The following NOX1 variants were observed in gnomAD, a reference collection of about 807,000 sequenced individuals.
NOX1 encodes the protein NADPH oxidase 1.
NOX1 carries 34 observed loss-of-function variants against 42.5 expected under a neutral mutation model. That is an observed-to-expected ratio of 0.80 (90% confidence interval 0.61 to 1.07). The LOEUF (loss-of-function observed/expected upper bound fraction) is 1.07, where lower values mean the gene tolerates loss of function less well. NOX1 is among the 50% of genes least tolerant of loss of function. The pLI is 0.00. For missense variants in NOX1, 408 were observed against 427.0 expected, an observed-to-expected ratio of 0.96 and a Z score of 0.39; for synonymous variants, 143 against 152.5, an observed-to-expected ratio of 0.94 and a Z score of 0.46.
intron 1 of NOX1, among the ~76,000 whole-genome samples, chrX:100,872,539 G>A (rs1485638046): frequency 9.0e-6 from 1 of 111,318 alleles, no homozygotes; most frequent in Non-Finnish European, 1.9e-5. Flanking sequence ...GTATATGTCA[G>A]AGATAATGAG....
rs767730692 is a variant in NOX1 at position 100,863,533 on chromosome X, C to A, written c.204G>T (p.Leu68=). The part of the protein sequence containing the change: ...LCLNFNSTLI[L]LPVCRNLLSF... ...ACAGCAGATTGCGACACACAGGAAG[C>A]AGGATCAGCGTGCTGTTAAAATTCA... is the stretch of plus-strand genomic sequence containing the variant. Residue 68 remains leucine, a synonymous_variant, in exon 3 of 13, where the codon CTG becomes CTT. Coordinates refer to ENST00000372966, the MANE Select transcript of NOX1 (RefSeq NM_007052.5). 2.2e-5 allele frequency: 27 copies of A among 1,208,623 alleles called. No homozygotes were observed. The highest frequency in any genetic ancestry group is 3.0e-5 in the Non-Finnish European group (27 of 895,098).
intron 12 of NOX1, among the ~76,000 whole-genome samples, chrX:100,844,749 CCT>C (rs764960762): frequency 2.7e-5 from 3 of 112,277 alleles, no homozygotes; most frequent in East Asian, 2.8e-4. Context: ...AATTTCTTAA[CCT>C]CTCTCTGTTT....
At chrX:100,863,431 T>A in intron 3 of NOX1, 54 bp downstream of exon 3, 1 of 1,133,428 alleles carries the variant, frequency 8.8e-7, no homozygotes, top group East Asian at 3.0e-5. Context: ...TACTGAGGAG[T>A]CTGGGGTCTC....
chrX:100,870,869 G>A, intron 1 of NOX1, 55 bp from the exon 2 acceptor site: 1 of 791,488 alleles, frequency 1.3e-6, no homozygotes, highest in South Asian at 2.3e-5. Context: ...AGTATGGGAA[G>A]GAGTAAATAA....
intron 4 of NOX1, 50 bp downstream of exon 4, chrX:100,863,109 A>G (rs1569447966): frequency 4.3e-6 from 4 of 921,767 alleles, no homozygotes; most frequent in Admixed American, 2.2e-5. Flanking sequence ...TGAATGAAGC[A>G]AGATTCTGAA....
At chrX:100,853,615 G>T (rs2085146191) in intron 7 of NOX1, among the ~76,000 whole-genome samples, 1 of 100,650 alleles carries the variant, frequency 9.9e-6, no homozygotes, top group Non-Finnish European at 2.0e-5. Context: ...TGGCCAGGCT[G>T]GTCTGGAACT....
At position 100,844,010 on chromosome X, in the gene NOX1, C is replaced by T. The variant is rs766831994; in HGVS notation, c.1637G>A (p.Arg546Gln). The T allele has an allele frequency of 7.5e-6, 9 of 1,202,557 alleles. No homozygotes were observed. Among genetic ancestry groups the T allele is most frequent in the African/African-American group, 3.5e-5 (2 of 56,988 alleles). Reference sequence around the variant, plus strand: ...CTTTCTAGGATCCAGACTGGAATATCGGTGACAGCATTTGCGCAGGCTCTT... The same window carrying T: ...CTTTCTAGGATCCAGACTGGAATATTGGTGACAGCATTTGCGCAGGCTCTT... The part of the protein sequence containing the change: ...LAKSLRKCCH[R>Q]YSSLDPRKVQ... The change falls in exon 13 of 13, where the codon CGA becomes CAA. Residue 546 changes from arginine to glutamine, a missense_variant. Transcript: ENST00000372966.
chrX:100,858,529 C>T (rs1318416060), intron 7 of NOX1, among the ~76,000 whole-genome samples: 2 of 111,270 alleles, frequency 1.8e-5, no homozygotes, highest in African/African-American at 6.5e-5. Flanking sequence ...GGCAGTAGGG[C>T]CATTTTAATG....
chrX:100,873,502 T>C (rs2085288453), intron 1 of NOX1, among the ~76,000 whole-genome samples: 2 of 112,302 alleles, frequency 1.8e-5, no homozygotes, highest in African/African-American at 6.5e-5. Context: ...ACATCAGATT[T>C]GAAAGACTCA....
At chrX:100,852,207 G>A (rs925245667) in intron 7 of NOX1, among the ~76,000 whole-genome samples, 2 of 111,846 alleles carry the variant, frequency 1.8e-5, no homozygotes, top group African/African-American at 6.5e-5. Context: ...AGTGGCTCAC[G>A]CCTGTAATCC....
chrX:100,854,572 A>T (rs1292488953), intron 7 of NOX1, among the ~76,000 whole-genome samples: 2 of 111,880 alleles, frequency 1.8e-5, no homozygotes, highest in Non-Finnish European at 3.8e-5. Flanking sequence ...ATAGCTCCCT[A>T]TCTTTTTTTT....
Position 100,856,422 on chromosome X carries a change from G to A in NOX1, c.805-5097C>T, listed in dbSNP as rs538423547. On this transcript the variant is annotated intron_variant, in intron 7 of 12. Coordinates refer to ENST00000372966, the MANE Select transcript of NOX1 (RefSeq NM_007052.5). Reference sequence around the variant, plus strand: ...GAGACTTTAACGATGCTTCTTCAGTGGCGTACACGGGCGGAAAGGCAATAG... The same window carrying A: ...GAGACTTTAACGATGCTTCTTCAGTAGCGTACACGGGCGGAAAGGCAATAG... 37 of 465,850 alleles carry A rather than the reference G, an allele frequency of 7.9e-5. 2 individuals carry two copies. The highest frequency in any genetic ancestry group is 4.8e-4 in the African/African-American group (20 of 41,695). 38.4% of individuals were successfully genotyped at this position (465,850 alleles called of 1,213,427 possible).
At chrX:100,844,268 C>CT (rs1182770375) in intron 12 of NOX1, among the ~76,000 whole-genome samples, 190 bp from the exon 13 acceptor site, 1 of 111,601 alleles carries the variant, frequency 9.0e-6, no homozygotes, top group African/African-American at 3.3e-5. Flanking sequence ...CCTTAACACT[C>CT]TCAGCACTCA....
chrX:100,871,889 A>G (rs1229555479), intron 1 of NOX1, among the ~76,000 whole-genome samples: 3 of 112,111 alleles, frequency 2.7e-5, no homozygotes, highest in Non-Finnish European at 5.6e-5. Context: ...AAAGTGTGAT[A>G]TTGGAGTCAA....
intron 7 of NOX1, chrX:100,855,214 C>A: frequency 2.1e-6 from 1 of 484,817 alleles, no homozygotes; most frequent in Non-Finnish European, 3.7e-6. Context: ...TGGCTGAGTT[C>A]ATGAATCTGT....
intron 7 of NOX1, among the ~76,000 whole-genome samples, chrX:100,856,579 CT>C (rs1219396590): frequency 2.6e-4 from 27 of 105,652 alleles, no homozygotes; most frequent in South Asian, 8.2e-4. Context: ...TCCAAAATTA[CT>C]TTTTTTTTTT....
intron 1 of NOX1, 21 bp from the exon 2 acceptor site, chrX:100,870,835 A>G (rs765303950): frequency 7.2e-6 from 7 of 976,559 alleles, no homozygotes; most frequent in Non-Finnish European, 8.6e-6. Context: ...AAAAAAAAAC[A>G]TGCAAAGAAT....
chrX:100,855,246 C>A, intron 7 of NOX1: 1 of 531,554 alleles, frequency 1.9e-6, no homozygotes, highest in South Asian at 2.3e-5. Flanking sequence ...GCTTCTCTGT[C>A]ACTTCTCTGG....
At chrX:100,867,794 AAGAGAGAG>A (rs35370612) in intron 2 of NOX1, among the ~76,000 whole-genome samples, 1 of 99,561 alleles carries the variant, frequency 1.0e-5, no homozygotes, top group Non-Finnish European at 2.0e-5. Context: ...GAAAAGAAGA[AAGAGAGAG>A]AGAAAGAGAG....
Sources: allele counts gnomAD v4.1 joint callset (sites outside exome capture counted in the v4.1 genomes callset), GRCh38; gene constraint gnomAD v4.1.1; transcripts MANE v1.5; gene names NCBI Gene and HGNC (gene_info 2026-07-23, HGNC 2026-07-21).